PRDM16: variants seen among roughly 807,000 people sequenced by gnomAD.
PRDM16 encodes PR/SET domain 16.
A neutral mutation model predicts 110.6 loss-of-function variants in PRDM16; 23 were observed. The observed-to-expected ratio is 0.21, with a 90% CI of 0.15 to 0.29. The LOEUF (loss-of-function observed/expected upper bound fraction) is 0.29. Among genes scored for constraint, PRDM16 ranks in the 10% least tolerant of loss-of-function variants. PRDM16 has a pLI of 1.00. For missense variants in PRDM16, 1,615 were observed against 1,794.3 expected, an observed-to-expected ratio of 0.90 and a Z score of 1.81; for synonymous variants, 799 against 781.8, an observed-to-expected ratio of 1.02 and a Z score of -0.37.
At chr1:3,140,253 C>T (rs1428706834) in intron 1 of PRDM16, among the ~76,000 whole-genome samples, 1 of 152,180 alleles carries the variant, frequency 6.6e-6, no homozygotes, top group Non-Finnish European at 1.5e-5. Context: ...TAATTGCTTC[C>T]CTTTCTGGCC....
At position 3,411,459 on chromosome 1, in the gene PRDM16, C is replaced by T. The variant is rs1569727265; in HGVS notation, c.1262C>T (p.Thr421Met). Residue 421 changes from threonine (T) to methionine (M), a missense_variant, in exon 9 of 17, where the codon ACG (threonine) becomes ATG (methionine). Transcript: ENST00000270722. ...AAGCGGATGCACGCCGACTGCCGCA[C>T]GCAGATCAAGTGCAAGGACTGTGGC... is the stretch of plus-strand genomic sequence containing the variant. ...RHKRMHADCR[T>M]QIKCKDCGQM... 6.2e-7 allele frequency: 1 copy of T among 1,614,232 alleles called. No homozygotes were observed.
At chr1:3,375,955 G>A (rs1228243102) in intron 3 of PRDM16, among the ~76,000 whole-genome samples, 2 of 152,230 alleles carry the variant, frequency 1.3e-5, no homozygotes, top group Admixed American at 6.5e-5. Context: ...AGAGATGGCA[G>A]AACTCCGGAA....
chr1:3,275,962 T>C (rs2500304), intron 3 of PRDM16, among the ~76,000 whole-genome samples: 58,695 of 152,130 alleles, frequency 0.39, 16,683 homozygotes, highest in African/African-American at 0.79. Context: ...CCTGTGGGTC[T>C]GTGCACTCCA....
intron 3 of PRDM16, among the ~76,000 whole-genome samples, chr1:3,365,895 C>A (rs1183177124): frequency 2.0e-5 from 3 of 152,134 alleles, no homozygotes; most frequent in Non-Finnish European, 4.4e-5. Context: ...CGCAGGGATG[C>A]ACGTGCACAC....
intron 1 of PRDM16, among the ~76,000 whole-genome samples, chr1:3,113,646 G>C (rs529525808): frequency 1.3e-5 from 2 of 152,230 alleles, no homozygotes; most frequent in African/African-American, 4.8e-5. Context: ...ACTGCAGGGC[G>C]CTGAGCAGCA....
chr1:3,425,791 C>G lies in PRDM16; in HGVS notation c.3109+41C>G. On this transcript the variant is annotated intron_variant, in intron 13 of 16. Coordinates refer to ENST00000270722, the MANE Select transcript of PRDM16 (RefSeq NM_022114.4). This position sits in a 1 kb window ranked among gnomAD's most constrained non-coding sequence, Gnocchi z 6.9. Reference sequence around the variant, plus strand: ...TGGGGCAGCCCCCAGAGCACCCACACGGGCAGGCCCCACAGAGGGGGAGGG... The same window carrying G: ...TGGGGCAGCCCCCAGAGCACCCACAGGGGCAGGCCCCACAGAGGGGGAGGG... The G allele has an allele frequency of 6.2e-7, 1 of 1,607,714 alleles. No homozygotes were observed.
intron 3 of PRDM16, among the ~76,000 whole-genome samples, chr1:3,279,136 A>C (rs1205833498): frequency 6.6e-6 from 1 of 152,246 alleles, no homozygotes; most frequent in Non-Finnish European, 1.5e-5. Flanking sequence ...TGTGGCCCCG[A>C]GTCCGGGGAT....
At chr1:3,380,658 C>T (rs970637867) in intron 3 of PRDM16, among the ~76,000 whole-genome samples, 2 of 152,136 alleles carry the variant, frequency 1.3e-5, no homozygotes, top group African/African-American at 4.8e-5. Flanking sequence ...TGTTCAGACA[C>T]GCTTGAGAGA....
In PRDM16 at chr1:3,382,880, A is replaced by G. The variant is rs777321166; in HGVS notation, c.439-2272A>G. Among the ~76,000 whole-genome samples, 1 of 152,200 alleles carries G rather than the reference A, an allele frequency of 6.6e-6. No individual in the cohort carries two copies. Among genetic ancestry groups the G allele is most frequent in the Non-Finnish European group, 1.5e-5 (1 of 68,026 alleles). On this transcript the variant is annotated intron_variant, in intron 3 of 16. Coordinates refer to ENST00000270722, the MANE Select transcript of PRDM16 (RefSeq NM_022114.4). The surrounding 1 kb of genome is among the most constrained non-coding windows in gnomAD (Gnocchi z 6.6). ...CAGGCCTCTATGGAGAAGTGGACCCATGGGCTGGGGACGGGACTGGGATAC... is the reference window on the plus strand; with the variant it reads ...CAGGCCTCTATGGAGAAGTGGACCCGTGGGCTGGGGACGGGACTGGGATAC...
chr1:3,357,886 C>G (rs1240626834), intron 3 of PRDM16, among the ~76,000 whole-genome samples: 5 of 152,216 alleles, frequency 3.3e-5, no homozygotes, highest in African/African-American at 9.6e-5. Flanking sequence ...AGGAAGTGAC[C>G]CAGACCCAAT....
At chr1:3,211,304 A>G (rs1017119264) in intron 2 of PRDM16, among the ~76,000 whole-genome samples, 26 of 152,266 alleles carry the variant, frequency 1.7e-4, no homozygotes, top group African/African-American at 5.8e-4. Context: ...TTCTTTTTCT[A>G]AGTAGACCGA....
At chr1:3,275,795 C>A (rs895299938) in intron 3 of PRDM16, among the ~76,000 whole-genome samples, 2 of 152,168 alleles carry the variant, frequency 1.3e-5, no homozygotes, top group Admixed American at 6.5e-5. Context: ...GGGAGTCATT[C>A]CAAACTGGGG....
chr1:3,218,815 C>A (rs993514152), intron 2 of PRDM16, among the ~76,000 whole-genome samples: 5 of 152,228 alleles, frequency 3.3e-5, no homozygotes, highest in Non-Finnish European at 7.3e-5. Flanking sequence ...GCTCAGCGGA[C>A]AAGGTGGACA....
At chr1:3,181,308 G>GCAGTCTTACACAAGCA (rs200311868) in intron 1 of PRDM16, among the ~76,000 whole-genome samples, 1 of 88,640 alleles carries the variant, frequency 1.1e-5, no homozygotes, top group Non-Finnish European at 2.4e-5. Context: ...TCTTACACAC[G>GCAGTCTTACACAAGCA]GTCTTACACA....
chr1:3,409,984 TG>T (rs140800224), intron 8 of PRDM16, among the ~76,000 whole-genome samples: 17,994 of 79,544 alleles, frequency 0.23, 1,514 homozygotes, highest in Middle Eastern at 0.33. Flanking sequence ...TGTGTTTGCA[TG>T]GGGGGGTGTG....
intron 3 of PRDM16, among the ~76,000 whole-genome samples, chr1:3,279,147 G>A (rs1029124345): frequency 6.6e-6 from 1 of 152,184 alleles, no homozygotes; most frequent in Non-Finnish European, 1.5e-5. Context: ...GTCCGGGGAT[G>A]CAGTTGGTCA....
rs1041959523 is a variant in PRDM16, at chr1:3,081,139, C to G, written c.37+11843C>G. Reference sequence around the variant, plus strand: ...CCCGGAGTCTTAACTTTCCCTCCGTCGAAGGTGTTAGTCTTACCTTCCCGA... The same window carrying G: ...CCCGGAGTCTTAACTTTCCCTCCGTGGAAGGTGTTAGTCTTACCTTCCCGA... On this transcript the variant is annotated intron_variant, in intron 1 of 16. Coordinates refer to ENST00000270722, the MANE Select transcript of PRDM16 (RefSeq NM_022114.4). The surrounding 1 kb of genome is among the most constrained non-coding windows in gnomAD (Gnocchi z 4.6). 6.6e-5 allele frequency among the ~76,000 whole-genome samples: 10 copies of G among 152,284 alleles called. No individual in the cohort carries two copies. The East Asian group carries it at 1.9e-3, about 29-fold the overall frequency.
rs561662366 is a variant in PRDM16 at position 3,355,322 on chromosome 1, C to T, written c.439-29830C>T. ...GGCCTAATGCAGGGAGATGGCCACACCCACCCACCCACCATCTGACCTCAC... is the reference window on the plus strand; with the variant it reads ...GGCCTAATGCAGGGAGATGGCCACATCCACCCACCCACCATCTGACCTCAC... On this transcript the variant is annotated intron_variant, in intron 3 of 16. Coordinates refer to ENST00000270722, the MANE Select transcript of PRDM16 (RefSeq NM_022114.4). Among the ~76,000 whole-genome samples the T allele has an allele frequency of 2.6e-5, 4 of 152,188 alleles. No homozygotes were observed. The East Asian group carries it at 7.7e-4, about 29-fold the overall frequency.
intron 3 of PRDM16, chr1:3,309,793 G>C (rs1480968175): frequency 1.3e-5 from 2 of 152,392 alleles, no homozygotes. Context: ...TACAGCCACT[G>C]TCAGAGGGAG....
Sources: gnomAD v4.1 joint callset for allele counts (sites outside exome capture counted in the v4.1 genomes callset) on GRCh38, gnomAD v4.1.1 for gene constraint, Gnocchi (gnomAD v3.1) non-coding constraint, MANE v1.5 for transcripts, NCBI Gene and HGNC (gene_info 2026-07-23, HGNC 2026-07-21) for gene names.